The following GTF2B variants were observed in gnomAD, a reference collection of about 807,000 sequenced individuals.
GTF2B encodes general transcription factor IIB.
In GTF2B, 20 loss-of-function variants were observed where a neutral mutation model predicts 34.6. That is an observed-to-expected ratio of 0.58 (90% CI 0.41 to 0.84). The LOEUF is 0.84. Among genes scored for constraint, GTF2B ranks in the 40% least tolerant of loss-of-function variants. GTF2B has a pLI of 0.00. For missense variants in GTF2B, 237 were observed against 393.3 expected (o/e 0.60, Z 3.36); for synonymous variants, 142 against 132.4 (o/e 1.07, Z -0.50).
chr1:88,884,569 T>G (rs1674021345), intron 2 of GTF2B, among the ~76,000 whole-genome samples: 1 of 152,256 alleles, frequency 6.6e-6, no homozygotes, highest in Non-Finnish European at 1.5e-5. Flanking sequence ...AACCTATCAT[T>G]GGTAAATGGC....
intron 6 of GTF2B, among the ~76,000 whole-genome samples, chr1:88,855,349 TTCTG>T (rs938090927): frequency 6.6e-6 from 1 of 151,086 alleles, no homozygotes; most frequent in Non-Finnish European, 1.5e-5. Context: ...GTAATTCACT[TTCTG>T]TTTTTGTTTT....
At chr1:88,881,256 T>C (rs1673932802) in intron 2 of GTF2B, among the ~76,000 whole-genome samples, 1 of 152,032 alleles carries the variant, frequency 6.6e-6, no homozygotes. Context: ...TACAGGTTTG[T>C]AGCCCAGAAG....
chr1:88,890,275 A>C (rs918690320), intron 1 of GTF2B, among the ~76,000 whole-genome samples: 2 of 152,176 alleles, frequency 1.3e-5, no homozygotes, highest in Non-Finnish European at 2.9e-5. Flanking sequence ...AGATAGAATG[A>C]CTGAGCATCC....
At chr1:88,879,754 A>C (rs1052248533) in intron 2 of GTF2B, among the ~76,000 whole-genome samples, 4 of 151,832 alleles carry the variant, frequency 2.6e-5, no homozygotes, top group Non-Finnish European at 5.9e-5. Context: ...ATTAAACGTT[A>C]ATTAAATATA....
At chr1:88,869,870 G>A (rs955533006) in intron 2 of GTF2B, among the ~76,000 whole-genome samples, 28 of 151,790 alleles carry the variant, frequency 1.8e-4, no homozygotes, top group Admixed American at 6.6e-5. Context: ...TGATCCGTCC[G>A]CCTCGGCCTC....
chr1:88,891,123 G>C (rs1187421277), intron 1 of GTF2B, among the ~76,000 whole-genome samples: 1 of 143,350 alleles, frequency 7.0e-6, no homozygotes, highest in Non-Finnish European at 1.5e-5. Context: ...AAACAAGCGG[G>C]GGGGGGGGCG....
intron 2 of GTF2B, among the ~76,000 whole-genome samples, chr1:88,882,310 C>CAAAAAAAAAAAAAAAAA (rs59699371): frequency 5.6e-5 from 2 of 36,020 alleles, no homozygotes; most frequent in African/African-American, 1.6e-4. Context: ...ACTCTCACTC[C>CAAAAAAAAAAAAAAAAA]AAAAAAAAAA....
intron 6 of GTF2B, among the ~76,000 whole-genome samples, chr1:88,853,669 TG>T (rs771415829): frequency 2.6e-5 from 4 of 152,070 alleles, no homozygotes; most frequent in Non-Finnish European, 5.9e-5. Context: ...CCAGGCGTGG[TG>T]GCATGCGCCT....
chr1:88,856,801 T>TG (rs1018368449), intron 6 of GTF2B, among the ~76,000 whole-genome samples: 12 of 125,264 alleles, frequency 9.6e-5, no homozygotes, highest in African/African-American at 3.4e-4. Context: ...GTCTTAAACG[T>TG]GGGTTTTTTT....
intron 2 of GTF2B, among the ~76,000 whole-genome samples, chr1:88,879,783 C>T (rs1349219792): frequency 6.6e-6 from 1 of 151,618 alleles, no homozygotes. Flanking sequence ...CAGCTGGGCG[C>T]AGTGCCTCAC....
chr1:88,886,363 A>G (rs1403118751), intron 2 of GTF2B, among the ~76,000 whole-genome samples: 2 of 152,178 alleles, frequency 1.3e-5, no homozygotes, highest in African/African-American at 4.8e-5. Flanking sequence ...CAACTCCACC[A>G]CAAGAATAAT....
chr1:88,887,163 C>T, intron 2 of GTF2B, 98 bp downstream of exon 2: 1 of 704,444 alleles, frequency 1.4e-6, no homozygotes. Flanking sequence ...AGGTGATCCT[C>T]CCACCTTGGC....
At chr1:88,891,339 T>C in intron 1 of GTF2B, 144 bp downstream of exon 1, 2 of 616,678 alleles carry the variant, frequency 3.2e-6, no homozygotes, top group Non-Finnish European at 2.9e-6. Context: ...GGAAGTGCCT[T>C]TGTCCCGGCC....
intron 1 of GTF2B, among the ~76,000 whole-genome samples, chr1:88,888,742 AACTAACCAT>A (rs1252978192): frequency 5.9e-5 from 9 of 152,248 alleles, no homozygotes; most frequent in Non-Finnish European, 8.8e-5. Context: ...GAAAAGTATG[AACTAACCAT>A]ACACCATAAC....
intron 3 of GTF2B, among the ~76,000 whole-genome samples, chr1:88,861,153 T>C (rs538568024): frequency 2.0e-5 from 3 of 152,306 alleles, no homozygotes; most frequent in African/African-American, 2.4e-5. Context: ...AGCAAATTTT[T>C]CAATTAAAAC....
At chr1:88,888,622 T>C (rs1304071671) in intron 1 of GTF2B, among the ~76,000 whole-genome samples, 1 of 152,182 alleles carries the variant, frequency 6.6e-6, no homozygotes, top group Non-Finnish European at 1.5e-5. Context: ...TAAGAACTAA[T>C]ATCTCTGCAG....
At chr1:88,867,885 G>A (rs1020466417) in intron 2 of GTF2B, among the ~76,000 whole-genome samples, 1 of 152,100 alleles carries the variant, frequency 6.6e-6, no homozygotes, top group African/African-American at 2.4e-5. Context: ...CACATACGTA[G>A]GAATGATCTA....
At chr1:88,874,068 C>A (rs181173458) in intron 2 of GTF2B, among the ~76,000 whole-genome samples, 3 of 152,104 alleles carry the variant, frequency 2.0e-5, no homozygotes, top group Non-Finnish European at 4.4e-5. Flanking sequence ...TGAAGGGAAT[C>A]GCAAACAAAG....
At chr1:88,862,160 T>C (rs1215065309) in intron 3 of GTF2B, among the ~76,000 whole-genome samples, 2 of 152,186 alleles carry the variant, frequency 1.3e-5, no homozygotes, top group South Asian at 2.1e-4. Flanking sequence ...TTTGACTAAC[T>C]GGACCAGGAC....
Sources: gnomAD v4.1 joint callset for allele counts (sites outside exome capture counted in the v4.1 genomes callset) on GRCh38, gnomAD v4.1.1 for gene constraint, MANE v1.5 for transcripts, NCBI Gene and HGNC (gene_info 2026-07-23, HGNC 2026-07-21) for gene names.